Variants in CSMD1 observed in about 807,000 individuals in gnomAD.
The protein encoded by CSMD1 is CUB and Sushi multiple domains 1, also known as CUB and sushi domain-containing protein 1.
A neutral mutation model predicts 417.5 loss-of-function variants in CSMD1; 213 were observed. The observed-to-expected ratio is 0.51, with a 90% CI of 0.46 to 0.57. CSMD1 has a LOEUF of 0.57. CSMD1 is among the 20% of genes least tolerant of loss of function. The pLI, the probability that CSMD1 is intolerant of heterozygous loss-of-function variation, is 0.00. For missense variants in CSMD1, 6,923 were observed against 4,529.7 expected (o/e 1.53, Z -15.17); for synonymous variants, 2,862 against 1,736.8 (o/e 1.65, Z -16.11).
At chr8:3,205,419 C>G in intron 31 of CSMD1, 85 bp downstream of exon 31, 1 of 712,422 alleles carries the variant, frequency 1.4e-6, no homozygotes, top group Non-Finnish European at 2.3e-6. Flanking sequence ...TCACTAAGCT[C>G]TAGCATACTT....
chr8:4,588,546 G>A lies in CSMD1; in HGVS notation c.302+48796C>T, dbSNP rs141650268. Among the ~76,000 whole-genome samples, 1,098 of 151,914 alleles carry A rather than the reference G, an allele frequency of 7.2e-3. 33 individuals are homozygous for A. Among genetic ancestry groups the A allele is most frequent in the Admixed American group, 0.057 (870 of 15,260 alleles). ...ATGGTGGCACATGCCTGTAATCCCA[G>A]CCCTTTCGGAGGCCGAGTCTGGCGG... On this transcript the variant is annotated intron_variant, in intron 2 of 69. Coordinates refer to ENST00000635120, the MANE Select transcript of CSMD1 (RefSeq NM_033225.6).
At chr8:4,271,834 C>A (rs936173343) in intron 3 of CSMD1, among the ~76,000 whole-genome samples, 30 of 152,236 alleles carry the variant, frequency 2.0e-4, no homozygotes, top group African/African-American at 6.5e-4. Context: ...TTGGTCCTGG[C>A]AGCGCTATTT....
chr8:4,023,763 T>G (rs1415779400), intron 4 of CSMD1, among the ~76,000 whole-genome samples: 5 of 109,114 alleles, frequency 4.6e-5, no homozygotes, highest in Non-Finnish European at 9.5e-5. Context: ...ATTTTTTTTT[T>G]TTTTTTTTTT....
chr8:3,005,988 G>C (rs977667985), intron 52 of CSMD1, among the ~76,000 whole-genome samples: 5 of 152,154 alleles, frequency 3.3e-5, no homozygotes, highest in African/African-American at 1.2e-4. Context: ...AATTGCCCCT[G>C]TTGGCAGACG....
At chr8:3,482,898 T>C (rs553830506) in intron 11 of CSMD1, among the ~76,000 whole-genome samples, 2 of 152,130 alleles carry the variant, frequency 1.3e-5, no homozygotes, top group Admixed American at 6.5e-5. Flanking sequence ...AAAGGGAAAG[T>C]CTCAAGTGAA....
intron 5 of CSMD1, among the ~76,000 whole-genome samples, chr8:3,890,116 A>G (rs1323964980): frequency 6.6e-6 from 1 of 152,168 alleles, no homozygotes; most frequent in African/African-American, 2.4e-5. Flanking sequence ...TGATAATATA[A>G]CTTTGATAGT....
chr8:3,734,310 C>T (rs1167806231), intron 6 of CSMD1, among the ~76,000 whole-genome samples: 1 of 152,210 alleles, frequency 6.6e-6, no homozygotes, highest in South Asian at 2.1e-4. Context: ...TCTGCTGCAT[C>T]TTATTTATTA....
At chr8:3,273,276 T>A (rs2117166791) in intron 26 of CSMD1, among the ~76,000 whole-genome samples, 1 of 152,186 alleles carries the variant, frequency 6.6e-6, no homozygotes, top group Non-Finnish European at 1.5e-5. Flanking sequence ...ATCCCAGGGA[T>A]GAAGCCCACT....
intron 1 of CSMD1, among the ~76,000 whole-genome samples, chr8:4,686,296 G>A (rs751148872): frequency 2.6e-5 from 4 of 152,122 alleles, no homozygotes; most frequent in Admixed American, 6.5e-5. Flanking sequence ...CCATTAAAAC[G>A]AACATATATG....
chr8:4,009,604 G>C (rs931214275), intron 4 of CSMD1, among the ~76,000 whole-genome samples: 17 of 152,198 alleles, frequency 1.1e-4, no homozygotes, highest in African/African-American at 4.1e-4. Flanking sequence ...TTTTACAATT[G>C]CATGGGGAAA....
intron 5 of CSMD1, among the ~76,000 whole-genome samples, chr8:3,886,061 ATTTTT>A (rs573038381): frequency 1.3e-4 from 19 of 151,802 alleles, no homozygotes; most frequent in African/African-American, 4.6e-4. Flanking sequence ...ATTTATTATT[ATTTTT>A]TTGAGACAGA....
chr8:3,513,403 T>C (rs1473428048), intron 10 of CSMD1, among the ~76,000 whole-genome samples: 2 of 151,650 alleles, frequency 1.3e-5, no homozygotes, highest in Non-Finnish European at 2.9e-5. Context: ...TGGTGCTCAC[T>C]GCAACCTCTG....
intron 7 of CSMD1, among the ~76,000 whole-genome samples, chr8:3,642,027 T>A (rs1247415025): frequency 6.6e-6 from 1 of 152,000 alleles, no homozygotes; most frequent in East Asian, 1.9e-4. Flanking sequence ...CCTCACCACA[T>A]CTGCAAACCT....
intron 52 of CSMD1, among the ~76,000 whole-genome samples, chr8:3,016,666 T>C (rs527948502): frequency 6.6e-6 from 1 of 152,248 alleles, no homozygotes; most frequent in African/African-American, 2.4e-5. Flanking sequence ...AAATACTCTA[T>C]GTCTCTTCCA....
intron 51 of CSMD1, among the ~76,000 whole-genome samples, chr8:3,020,461 C>G (rs1809270728): frequency 6.6e-6 from 1 of 152,144 alleles, no homozygotes; most frequent in Non-Finnish European, 1.5e-5. Context: ...CCCTGACCTC[C>G]TGGGTTCAAG....
At chr8:3,062,375 G>A (rs1812645616) in intron 49 of CSMD1, among the ~76,000 whole-genome samples, 1 of 152,130 alleles carries the variant, frequency 6.6e-6, no homozygotes, top group African/African-American at 2.4e-5. Context: ...TCTTTACTAT[G>A]TGTAGGTGGT....
intron 1 of CSMD1, among the ~76,000 whole-genome samples, chr8:4,775,825 G>C (rs957420700): frequency 1.1e-4 from 16 of 152,068 alleles, no homozygotes; most frequent in Non-Finnish European, 1.6e-4. Flanking sequence ...CAATCAGAAA[G>C]TTCCCCTTAA....
intron 10 of CSMD1, among the ~76,000 whole-genome samples, chr8:3,527,639 A>T (rs1019171632): frequency 4.6e-5 from 7 of 152,076 alleles, no homozygotes; most frequent in African/African-American, 1.4e-4. Flanking sequence ...GTGAAATCTC[A>T]AACCAGGTCT....
chr8:4,077,624 C>G (rs1799903610), intron 3 of CSMD1, among the ~76,000 whole-genome samples: 1 of 152,136 alleles, frequency 6.6e-6, no homozygotes, highest in Middle Eastern at 3.4e-3. Context: ...CATTCAAGGT[C>G]AGTAGATCCA....
Sources: allele counts gnomAD v4.1 joint callset (sites outside exome capture counted in the v4.1 genomes callset), GRCh38; gene constraint gnomAD v4.1.1; transcripts MANE v1.5; gene names NCBI Gene and HGNC (gene_info 2026-07-23, HGNC 2026-07-21).